The following TTLL6 variants were observed in gnomAD, a reference collection of about 807,000 sequenced individuals.
The protein encoded by TTLL6 is tubulin polyglutamylase TTLL6.
TTLL6 carries 75 observed loss-of-function variants against 96.4 expected under a neutral mutation model. The observed-to-expected ratio is 0.78, with a 90% confidence interval of 0.65 to 0.94. The LOEUF (loss-of-function observed/expected upper bound fraction) is 0.94. TTLL6 is among the 40% of genes least tolerant of loss of function. The pLI is 0.00. For synonymous variants in TTLL6, 411 were observed against 419.4 expected, an observed-to-expected ratio of 0.98 and a Z score of 0.24; for missense variants, 1,030 against 1,093.0, an observed-to-expected ratio of 0.94 and a Z score of 0.81.
chr17:48,793,128 G>T (rs1259141413), intron 8 of TTLL6, among the ~76,000 whole-genome samples: 3 of 152,208 alleles, frequency 2.0e-5, no homozygotes, highest in South Asian at 2.1e-4. Context: ...TCCTGAGTTT[G>T]TGCGCCAGTG....
intron 5 of TTLL6, chr17:48,799,998 AC>A: frequency 1.9e-6 from 1 of 515,934 alleles, no homozygotes; most frequent in Non-Finnish European, 3.5e-6. Context: ...CAGTGGTGCA[AC>A]CCTTTGCAAG....
chr17:48,766,741 T>G (rs1424713745), intron 15 of TTLL6, among the ~76,000 whole-genome samples: 1 of 152,134 alleles, frequency 6.6e-6, no homozygotes, highest in Admixed American at 6.5e-5. Flanking sequence ...GCACATGCCT[T>G]TAGCCCCAGC....
rs2038950583 is a variant in TTLL6 at position 48,779,677 on chromosome 17, C to T, written c.2040+5246G>A. 1.3e-5 allele frequency among the ~76,000 whole-genome samples: 2 copies of T among 152,106 alleles called. 1 individual carries two copies. Among genetic ancestry groups the T allele is most frequent in the East Asian group, 3.8e-4 (2 of 5,198 alleles). On this transcript the variant is annotated intron_variant, in intron 13 of 15. Transcript: ENST00000393382. ...AACTGGGAACAACCCAAAAGTCTAT[C>T]AATAGGTGAATGGATAAACAAACTG...
intron 13 of TTLL6, among the ~76,000 whole-genome samples, chr17:48,778,064 G>A (rs2038913031): frequency 6.6e-6 from 1 of 152,052 alleles, no homozygotes; most frequent in African/African-American, 2.4e-5. Flanking sequence ...GTCACTTGAG[G>A]TCAGGGGTTC....
At chr17:48,788,360 A>G (rs986525948) in intron 10 of TTLL6, among the ~76,000 whole-genome samples, 14 of 152,126 alleles carry the variant, frequency 9.2e-5, no homozygotes, top group African/African-American at 3.1e-4. Flanking sequence ...GGCAACTTGC[A>G]CTTTTGCCGA....
chr17:48,791,850 CA>C (rs2039231636), intron 8 of TTLL6, among the ~76,000 whole-genome samples: 1 of 152,176 alleles, frequency 6.6e-6, no homozygotes, highest in Non-Finnish European at 1.5e-5. Context: ...AGGACATGGT[CA>C]GGACACTTTC....
chr17:48,772,506 C>T (rs35857899), intron 13 of TTLL6, among the ~76,000 whole-genome samples: 39,840 of 151,618 alleles, frequency 0.26, 6,347 homozygotes, highest in East Asian at 0.73. Context: ...CCGAGGTGGG[C>T]GGATCACGAG....
intron 6 of TTLL6, among the ~76,000 whole-genome samples, chr17:48,797,558 G>A (rs765454330): frequency 6.6e-5 from 10 of 152,096 alleles, no homozygotes; most frequent in Non-Finnish European, 1.0e-4. Context: ...AGTCTGAGGC[G>A]GATGGATGAT....
chr17:48,786,033 G>C, intron 12 of TTLL6, 131 bp downstream of exon 12: 10 of 1,383,786 alleles, frequency 7.2e-6, no homozygotes, highest in Non-Finnish European at 8.8e-6. Context: ...CCGCCCCGTC[G>C]TTGCCCAGCC....
intron 11 of TTLL6, 71 bp from the exon 12 acceptor site, chr17:48,786,406 G>A: frequency 1.3e-6 from 2 of 1,594,048 alleles, no homozygotes; most frequent in Non-Finnish European, 1.7e-6. Context: ...TCTCCTTGAG[G>A]GATGGACATG....
At chr17:48,785,809 T>G (rs2039080055) in intron 12 of TTLL6, among the ~76,000 whole-genome samples, 1 of 152,070 alleles carries the variant, frequency 6.6e-6, no homozygotes. Flanking sequence ...GAGGGGAGCA[T>G]TCCAACCCAA....
Position 48,769,978 on chromosome 17 carries a change from C to T in TTLL6, c.2160G>A (p.Arg720=). The change falls in exon 14 of 16, where the codon AGG becomes AGA. Residue 720 remains arginine, a synonymous_variant. Coordinates refer to ENST00000393382, the MANE Select transcript of TTLL6 (RefSeq NM_001130918.3). ...SSEYSGPETD[R]VVSFKCKKQQ... ...GCTTCTTGCATTTAAAGGATACCAC[C>T]CTGTCCGTCTCTGGGCCACTGTACT... The T allele has an allele frequency of 1.2e-6, 2 of 1,614,078 alleles. No individual in the cohort carries two copies. The highest frequency in any genetic ancestry group is 1.7e-6 in the Non-Finnish European group (2 of 1,180,034).
chr17:48,799,355 T>C (rs1482466649), intron 6 of TTLL6, among the ~76,000 whole-genome samples: 4 of 152,176 alleles, frequency 2.6e-5, no homozygotes, highest in African/African-American at 7.2e-5. Context: ...AGCCCTAATG[T>C]GTTACAGGAA....
At chr17:48,789,873 T>C in intron 10 of TTLL6, 58 bp downstream of exon 10, 2 of 1,577,452 alleles carry the variant, frequency 1.3e-6, no homozygotes, top group Non-Finnish European at 1.7e-6. Flanking sequence ...AGATCATTCT[T>C]ATTGGGAGCA....
intron 10 of TTLL6, among the ~76,000 whole-genome samples, chr17:48,788,453 T>A (rs976007701): frequency 6.6e-6 from 1 of 152,112 alleles, no homozygotes; most frequent in African/African-American, 2.4e-5. Context: ...CTGGGGGAAG[T>A]GGGGGTCAGA....
At chr17:48,808,683 C>T (rs1183218391) in intron 1 of TTLL6, among the ~76,000 whole-genome samples, 1 of 152,180 alleles carries the variant, frequency 6.6e-6, no homozygotes, top group Admixed American at 6.5e-5. Context: ...ATTCTCCTGC[C>T]TCACCCTCCT....
Position 48,787,997 on chromosome 17 carries a change from A to G in TTLL6, c.1403T>C (p.Ile468Thr), listed in dbSNP as rs1361419648. The change falls in exon 11 of 16, where the codon ATT (isoleucine) becomes ACT (threonine). Residue 468 changes from isoleucine (I) to threonine (T), a missense_variant and splice_region_variant. Physicochemically the swap from Ile to Thr is moderately conservative, Grantham distance 89. Coordinates refer to ENST00000393382, the MANE Select transcript of TTLL6 (RefSeq NM_001130918.3). ...LQQCCSREMR[I>T]EEAKGFRAVQ... ...GGCCCGGAAACCCTTGGCTTCCTCA[A>G]TCCTGTTGGGAAGCAGAACATGGGG... 3 of 1,613,156 alleles carry G rather than the reference A, an allele frequency of 1.9e-6. No individual in the cohort carries two copies. The highest frequency in any genetic ancestry group is 2.2e-5 in the East Asian group (1 of 44,872).
chr17:48,769,224 GA>G lies in TTLL6; in HGVS notation c.2440del (p.Ser814ProfsTer29). ...QNPSLPGECHSRSDSSGEKRQ... is the reference protein window; with the variant it reads ...QNPSLPGECHXRSDSSGEKRQ... ...CTTCTCGCCAGAGCTGTCACTGCGG[GA>G]GTGGCACTCCCCAGGCAGGGAGGGG... On this transcript the variant is annotated frameshift_variant, in exon 15 of 16. Transcript: ENST00000393382. LOFTEE classifies it high-confidence loss of function. 6.2e-7 allele frequency: 1 copy of G among 1,609,922 alleles called. No individual in the cohort carries two copies. Among genetic ancestry groups the G allele is most frequent in the Non-Finnish European group, 8.5e-7 (1 of 1,176,836 alleles).
At position 48,805,004 on chromosome 17, in the gene TTLL6, C is replaced by G; in HGVS notation, c.104-13G>C. The G allele has an allele frequency of 6.5e-7, 1 of 1,545,146 alleles. No individual in the cohort carries two copies. Among genetic ancestry groups the G allele is most frequent in the Middle Eastern group, 1.8e-4 (1 of 5,688 alleles). On this transcript the variant is annotated splice_polypyrimidine_tract_variant and intron_variant, in intron 1 of 15. Transcript: ENST00000393382. ...AAATACCAGGCCCCTAGAGAGAGGG[C>G]AGAGGGAGCCGCAGTTACAGAGATC...
Sources: allele counts gnomAD v4.1 joint callset (sites outside exome capture counted in the v4.1 genomes callset), GRCh38; gene constraint gnomAD v4.1.1; transcripts MANE v1.5; gene names NCBI Gene and HGNC (gene_info 2026-07-23, HGNC 2026-07-21).